Variants in ZSWIM6 observed in about 807,000 individuals in gnomAD.
ZSWIM6 encodes zinc finger SWIM-type containing 6.
In ZSWIM6, 9 loss-of-function variants were observed where a neutral mutation model predicts 113.2. The ratio of observed to expected loss-of-function variants is 0.08; its 90% confidence interval spans 0.05 to 0.14. The LOEUF is 0.14. Ranked by LOEUF, ZSWIM6 falls within the 10% of genes least tolerant of loss-of-function variation. ZSWIM6 has a pLI of 1.00. For missense variants in ZSWIM6, 1,162 were observed against 1,552.2 expected, an observed-to-expected ratio of 0.75 and a Z score of 4.22; for synonymous variants, 611 against 606.5, an observed-to-expected ratio of 1.01 and a Z score of -0.11.
chr5:61,396,016 G>A lies in ZSWIM6; in HGVS notation c.676+63068G>A, dbSNP rs796948105. ...CTGGAGAGTTTGTGCTTCTGTACAA[G>A]TCTACAGATAAACCGAGATTGGAAA... On this transcript the variant is annotated intron_variant, in intron 1 of 13. Coordinates refer to ENST00000252744, the MANE Select transcript of ZSWIM6 (RefSeq NM_020928.2). 5.9e-5 allele frequency among the ~76,000 whole-genome samples: 9 copies of A among 152,202 alleles called. 1 individual carries two copies. Among genetic ancestry groups the A allele is most frequent in the African/African-American group, 2.2e-4 (9 of 41,538 alleles).
At position 61,494,372 on chromosome 5, in the gene ZSWIM6, C is replaced by T. The variant is rs1428295979; in HGVS notation, c.1295C>T (p.Ala432Val). 1 of 1,551,056 alleles carries T rather than the reference C, an allele frequency of 6.4e-7. No individual in the cohort carries two copies. The highest frequency in any genetic ancestry group is 8.7e-7 in the Non-Finnish European group (1 of 1,146,558). The change falls in exon 4 of 14, where the codon GCA (alanine) becomes GTA (valine). Residue 432 changes from alanine to valine, a missense_variant. This residue lies in a region of ZSWIM6 where 620 missense variants were observed against 804.6 expected (regional missense o/e 0.77). Transcript: ENST00000252744. ...TCACTTTGGCGGCAACAAGGCACTG[C>T]AATGACTGACAAATACAGGCAGCTC... Reference protein sequence around the residue: ...RLSLWRQQGTAMTDKYRQLWD... With the variant: ...RLSLWRQQGTVMTDKYRQLWD...
intron 1 of ZSWIM6, among the ~76,000 whole-genome samples, chr5:61,340,086 C>A (rs1744510517): frequency 6.6e-6 from 1 of 152,112 alleles, no homozygotes; most frequent in African/African-American, 2.4e-5. Flanking sequence ...GCCCTGTGTT[C>A]CTCTAAGAAT....
chr5:61,358,696 G>A (rs1192668870), intron 1 of ZSWIM6, among the ~76,000 whole-genome samples: 1 of 152,238 alleles, frequency 6.6e-6, no homozygotes, highest in Non-Finnish European at 1.5e-5. Context: ...AGGAAATGCT[G>A]CTAGTAAAAA....
chr5:61,357,151 T>TA (rs1430243641), intron 1 of ZSWIM6, among the ~76,000 whole-genome samples: 1 of 152,086 alleles, frequency 6.6e-6, no homozygotes, highest in Non-Finnish European at 1.5e-5. Flanking sequence ...GTGATTCTGA[T>TA]ACGCACAGAA....
chr5:61,490,975 C>T (rs1748160940), intron 3 of ZSWIM6, 41 bp downstream of exon 3: 2 of 1,459,096 alleles, frequency 1.4e-6, no homozygotes, highest in Non-Finnish European at 1.8e-6. Flanking sequence ...TAAATATATA[C>T]ATATATAGGG....
chr5:61,534,848 A>G (rs886929174), intron 9 of ZSWIM6, among the ~76,000 whole-genome samples: 1 of 152,168 alleles, frequency 6.6e-6, no homozygotes, highest in Non-Finnish European at 1.5e-5. Context: ...GTAAACTTCC[A>G]GTTACTTTAA....
chr5:61,451,133 G>A (rs918207155), intron 1 of ZSWIM6, among the ~76,000 whole-genome samples: 4 of 152,104 alleles, frequency 2.6e-5, no homozygotes, highest in Non-Finnish European at 5.9e-5. Flanking sequence ...GCACAGAAGA[G>A]GCAGTGGTTC....
intron 1 of ZSWIM6, among the ~76,000 whole-genome samples, chr5:61,454,952 C>T (rs1747172163): frequency 6.7e-6 from 1 of 148,646 alleles, no homozygotes; most frequent in Non-Finnish European, 1.5e-5. Flanking sequence ...CTTGTAGATT[C>T]TTTGTCCCAG....
rs921052946 is a variant in ZSWIM6 at position 61,543,412 on chromosome 5, C to A, written c.2786-43C>A. On this transcript the variant is annotated intron_variant, in intron 13 of 13. Coordinates refer to ENST00000252744, the MANE Select transcript of ZSWIM6 (RefSeq NM_020928.2). This position sits in a 1 kb window ranked among gnomAD's most constrained non-coding sequence, Gnocchi z 4.3. ...GTCAAAATAAGGCAGGACCTCTGGG[C>A]AGCCTCCTCGTCAGTAATAGAGCCT... is the stretch of plus-strand genomic sequence containing the variant. 3 of 1,513,974 alleles carry A rather than the reference C, an allele frequency of 2.0e-6. No homozygotes were observed. Among genetic ancestry groups the A allele is most frequent in the Non-Finnish European group, 1.8e-6 (2 of 1,128,430 alleles). 93.8% of individuals were successfully genotyped at this position (1,513,974 alleles called of 1,614,324 possible).
intron 1 of ZSWIM6, among the ~76,000 whole-genome samples, chr5:61,405,783 A>G (rs1336883866): frequency 2.0e-5 from 3 of 152,220 alleles, no homozygotes; most frequent in Non-Finnish European, 4.4e-5. Flanking sequence ...TAGTTTCTAT[A>G]TGGAAAGGGG....
At chr5:61,535,450 A>G (rs1331555164) in intron 9 of ZSWIM6, 34 bp from the exon 10 acceptor site, 3 of 1,546,568 alleles carry the variant, frequency 1.9e-6, no homozygotes, top group East Asian at 4.9e-5. Flanking sequence ...TTCATTTTTT[A>G]GGAACGTAAA....
chr5:61,498,941 C>T (rs1272078249), intron 4 of ZSWIM6, among the ~76,000 whole-genome samples: 1 of 151,836 alleles, frequency 6.6e-6, no homozygotes, highest in Non-Finnish European at 1.5e-5. Context: ...TAATAACTGC[C>T]CCCACCAACA....
intron 1 of ZSWIM6, among the ~76,000 whole-genome samples, chr5:61,452,122 C>T (rs953407905): frequency 2.6e-5 from 4 of 152,104 alleles, no homozygotes; most frequent in Non-Finnish European, 5.9e-5. Context: ...AGCTTTGAGT[C>T]AATCATTTTC....
At position 61,505,666 on chromosome 5, in the gene ZSWIM6, CCTTCCTTCTTTCCTTG is replaced by C. The variant is rs1158023636; in HGVS notation, c.1333+11258_1333+11273del. ...TCCTTCCTTCCTTCCTTCCTTCCTT[CCTTCCTTCTTTCCTTG>C]CCTCCCTCCCTCCCTTCCTTCCTCC... On this transcript the variant is annotated intron_variant, in intron 4 of 13. Coordinates refer to ENST00000252744, the MANE Select transcript of ZSWIM6 (RefSeq NM_020928.2). Among the ~76,000 whole-genome samples, 1,070 of 109,488 alleles carry C rather than the reference CCTTCCTTCTTTCCTTG, an allele frequency of 9.8e-3. 96 individuals carry two copies. Among genetic ancestry groups the C allele is most frequent in the African/African-American group, 0.018 (487 of 26,954 alleles). 71.8% of individuals were successfully genotyped at this position (109,488 alleles called of 152,430 possible). A position where few individuals can be genotyped will look rare whatever the true frequency, so the allele number is the denominator to read the frequency against.
At chr5:61,469,474 G>A (rs2112179406) in intron 1 of ZSWIM6, among the ~76,000 whole-genome samples, 1 of 152,232 alleles carries the variant, frequency 6.6e-6, no homozygotes, top group Non-Finnish European at 1.5e-5. Context: ...AATTTAAATT[G>A]TTTTGGAGGT....
intron 1 of ZSWIM6, among the ~76,000 whole-genome samples, chr5:61,353,658 T>C (rs1178426048): frequency 1.3e-5 from 2 of 152,260 alleles, no homozygotes; most frequent in Non-Finnish European, 2.9e-5. Context: ...ATTCACGATA[T>C]AGTACCTTCT....
At chr5:61,507,267 A>G (rs1748649714) in intron 4 of ZSWIM6, among the ~76,000 whole-genome samples, 1 of 152,222 alleles carries the variant, frequency 6.6e-6, no homozygotes, top group Non-Finnish European at 1.5e-5. Flanking sequence ...AAAAAACCCC[A>G]CAAAAGGTAC....
At chr5:61,455,479 A>G (rs576555752) in intron 1 of ZSWIM6, among the ~76,000 whole-genome samples, 1 of 152,264 alleles carries the variant, frequency 6.6e-6, no homozygotes, top group South Asian at 2.1e-4. Flanking sequence ...TTTACACAAA[A>G]CTCCAAAAAC....
chr5:61,350,141 G>T (rs984440261), intron 1 of ZSWIM6, among the ~76,000 whole-genome samples: 5 of 152,158 alleles, frequency 3.3e-5, no homozygotes, highest in Non-Finnish European at 5.9e-5. Context: ...AGAGGGCTGG[G>T]TTATCCAGAT....
Sources: gnomAD v4.1 joint callset for allele counts (sites outside exome capture counted in the v4.1 genomes callset) on GRCh38, gnomAD v4.1.1 for gene constraint, gnomAD v4.1.1 regional missense constraint, Gnocchi (gnomAD v3.1) non-coding constraint, MANE v1.5 for transcripts, NCBI Gene and HGNC (gene_info 2026-07-23, HGNC 2026-07-21) for gene names.